Variants in TLR7 observed in about 807,000 individuals in gnomAD.
TLR7 encodes toll like receptor 7, also known as toll-like receptor 7.
A neutral mutation model predicts 38.3 loss-of-function variants in TLR7; 12 were observed. The ratio of observed to expected loss-of-function variants is 0.31; its 90% CI spans 0.20 to 0.51. The LOEUF (loss-of-function observed/expected upper bound fraction) is 0.51, where lower values mean the gene tolerates loss of function less well. Ranked by LOEUF, TLR7 falls within the 20% of genes least tolerant of loss-of-function variation. TLR7 has a pLI of 0.98. For missense variants in TLR7, 504 were observed against 743.4 expected, an observed-to-expected ratio of 0.68 and a Z score of 3.74; for synonymous variants, 285 against 293.8, an observed-to-expected ratio of 0.97 and a Z score of 0.31.
intron 1 of TLR7, 31 bp from the exon 2 acceptor site, chrX:12,867,450 T>A: frequency 1.7e-6 from 1 of 576,999 alleles, no homozygotes; most frequent in Non-Finnish European, 2.9e-6. Flanking sequence ...GTCTTTGAAA[T>A]GTAAACTTTG....
At chrX:12,869,646 A>G (rs1987256036) in intron 2 of TLR7, among the ~76,000 whole-genome samples, 1 of 110,243 alleles carries the variant, frequency 9.1e-6, no homozygotes, top group African/African-American at 3.3e-5. Flanking sequence ...TGGGCTTAAT[A>G]CCTAGGTGAT....
chrX:12,885,011 G>A (rs1265562192), intron 2 of TLR7, among the ~76,000 whole-genome samples: 1 of 112,766 alleles, frequency 8.9e-6, no homozygotes, highest in African/African-American at 3.2e-5. Context: ...ATATTGCTGA[G>A]CGATGTCTTC....
At chrX:12,876,780 C>T (rs145617622) in intron 2 of TLR7, among the ~76,000 whole-genome samples, 2 of 111,967 alleles carry the variant, frequency 1.8e-5, no homozygotes, top group Non-Finnish European at 3.8e-5. Context: ...AATTAGTTTG[C>T]TAATTGAGCA....
In TLR7 at chrX:12,888,666, T is replaced by C; in HGVS notation, c.*8T>C. 8.5e-7 allele frequency: 1 copy of C among 1,179,855 alleles called. No homozygotes were observed. Among genetic ancestry groups the C allele is most frequent in the Non-Finnish European group, 1.1e-6 (1 of 880,352 alleles). On this transcript the variant is annotated 3_prime_UTR_variant, in exon 3 of 3. Transcript: ENST00000380659. Reference sequence around the variant, plus strand: ...TTCAAGGAAACGGTCTAGCCCTTCTTTGCAAAACACAACTGCCTAGTTTAC... The same window carrying C: ...TTCAAGGAAACGGTCTAGCCCTTCTCTGCAAAACACAACTGCCTAGTTTAC...
intron 2 of TLR7, chrX:12,877,443 G>A (rs1368246983): frequency 1.8e-5 from 2 of 108,717 alleles, no homozygotes; most frequent in African/African-American, 6.7e-5. Context: ...TCTCATTGCA[G>A]TTAATCTTCC....
Position 12,885,790 on chromosome X carries a change from C to G in TLR7, c.282C>G (p.Ile94Met). 8.3e-7 allele frequency: 1 copy of G among 1,211,860 alleles called. No homozygotes were observed. The highest frequency in any genetic ancestry group is 1.1e-6 in the Non-Finnish European group (1 of 895,493). The change falls in exon 3 of 3, where the codon ATC (isoleucine) becomes ATG (methionine). Residue 94 changes from isoleucine to methionine, a missense_variant. Physicochemically the swap from Ile to Met is conservative, Grantham distance 10. Transcript: ENST00000380659. ...SFHRLDHLVE[I>M]DFRCNCVPIP... ...ACAGACTGGACCATCTGGTAGAGAT[C>G]GATTTCAGATGCAACTGTGTACCTA...
In TLR7 at chrX:12,886,412, C is replaced by T. The variant is rs1422078379; in HGVS notation, c.904C>T (p.Leu302Phe). The change falls in exon 3 of 3, where the codon CTT becomes TTT. Residue 302 changes from leucine (L) to phenylalanine (F), a missense_variant. Transcript: ENST00000380659. ...LKVLRLHSNS[L>F]QHVPPRWFKN... ...AGTTTTACGTCTACACAGTAACTCT[C>T]TTCAGCATGTGCCCCCAAGATGGTT... The T allele has an allele frequency of 1.7e-6, 2 of 1,210,288 alleles. No homozygotes were observed. The highest frequency in any genetic ancestry group is 3.0e-5 in the East Asian group (1 of 33,829).
At position 12,886,424 on chromosome X, in the gene TLR7, C is replaced by A; in HGVS notation, c.916C>A (p.Pro306Thr). ...RLHSNSLQHV[P>T]PRWFKNINKL... ...ACACAGTAACTCTCTTCAGCATGTG[C>A]CCCCAAGATGGTTTAAGAACATCAA... Residue 306 changes from proline (P) to threonine (T), a missense_variant, in exon 3 of 3, where the codon CCC becomes ACC. Physicochemically the swap from Pro to Thr is conservative, Grantham distance 38. Transcript: ENST00000380659. 2 of 1,211,446 alleles carry A rather than the reference C, an allele frequency of 1.7e-6. No homozygotes were observed. The highest frequency in any genetic ancestry group is 2.2e-5 in the Admixed American group (1 of 46,049).
rs1478731103 is a variant in TLR7, at chrX:12,886,552, T to C, written c.1044T>C (p.Ser348=). Residue 348 remains serine (S), a synonymous_variant, in exon 3 of 3, where the codon TCT becomes TCC. Transcript: ENST00000380659. ...FLPSLIQLDL[S]FNFELQVYRA... is the part of the protein sequence containing the mutation. ...CCAGCCTCATCCAATTGGATCTGTC[T>C]TTCAATTTTGAACTTCAGGTCTATC... is the stretch of plus-strand genomic sequence containing the variant. 1 of 1,211,869 alleles carries C rather than the reference T, an allele frequency of 8.3e-7. No individual in the cohort carries two copies. Among genetic ancestry groups the C allele is most frequent in the East Asian group, 3.0e-5 (1 of 33,864 alleles).
chrX:12,870,538 C>T (rs1180392916), intron 2 of TLR7, among the ~76,000 whole-genome samples: 2 of 111,774 alleles, frequency 1.8e-5, no homozygotes, highest in Non-Finnish European at 3.8e-5. Context: ...CCAGCCAGTA[C>T]CTCTGCACCC....
chrX:12,887,438 C>A lies in TLR7; in HGVS notation c.1930C>A (p.Gln644Lys). Reference protein sequence around the residue: ...LWREGDNRYLQLFKNLLKLEE... With the variant: ...LWREGDNRYLKLFKNLLKLEE... Reference sequence around the variant, plus strand: ...GAGAGAAGGTGATAACAGATACTTACAATTATTCAAGAATCTGCTAAAATT... The same window carrying A: ...GAGAGAAGGTGATAACAGATACTTAAAATTATTCAAGAATCTGCTAAAATT... Residue 644 changes from glutamine (Q) to lysine (K), a missense_variant, in exon 3 of 3, where the codon CAA (glutamine) becomes AAA (lysine). Gln to Lys is a moderately conservative substitution (Grantham distance 53, BLOSUM62 1). Coordinates refer to ENST00000380659, the MANE Select transcript of TLR7 (RefSeq NM_016562.4). 1 of 1,209,020 alleles carries A rather than the reference C, an allele frequency of 8.3e-7. No individual in the cohort carries two copies. Among genetic ancestry groups the A allele is most frequent in the Non-Finnish European group, 1.1e-6 (1 of 893,600 alleles).
intron 2 of TLR7, among the ~76,000 whole-genome samples, chrX:12,877,936 G>A (rs111385670): frequency 1.8e-5 from 2 of 111,769 alleles, no homozygotes; most frequent in African/African-American, 3.2e-5. Flanking sequence ...TCAAAGCCTT[G>A]GTTTACTCAG....
chrX:12,887,126 C>A lies in TLR7; in HGVS notation c.1618C>A (p.Pro540Thr), dbSNP rs367693931. The change falls in exon 3 of 3, where the codon CCT (proline) becomes ACT (threonine). Residue 540 changes from proline (P) to threonine (T), a missense_variant. Transcript: ENST00000380659. Reference sequence around the variant, plus strand: ...AACTCTTAATGGCAGTGAATTCCAACCTTTAGCAGAGCTGAGATATTTGGA... The same window carrying A: ...AACTCTTAATGGCAGTGAATTCCAAACTTTAGCAGAGCTGAGATATTTGGA... The part of the protein sequence containing the change: ...SQTLNGSEFQ[P>T]LAELRYLDFS... 1 of 1,211,347 alleles carries A rather than the reference C, an allele frequency of 8.3e-7. No homozygotes were observed.
At chrX:12,877,257 C>A (rs2042875009) in intron 2 of TLR7, among the ~76,000 whole-genome samples, 1 of 110,829 alleles carries the variant, frequency 9.0e-6, no homozygotes, top group Middle Eastern at 4.3e-3. Context: ...TTTAACACAG[C>A]CTAAGGTTTG....
At chrX:12,884,744 G>C (rs1161492786) in intron 2 of TLR7, among the ~76,000 whole-genome samples, 2 of 112,164 alleles carry the variant, frequency 1.8e-5, no homozygotes, top group Admixed American at 1.9e-4. Flanking sequence ...CAGTTATACG[G>C]TTCCTCTGAT....
At chrX:12,880,272 A>T (rs748250531) in intron 2 of TLR7, among the ~76,000 whole-genome samples, 5 of 111,699 alleles carry the variant, frequency 4.5e-5, no homozygotes, top group African/African-American at 6.5e-5. Context: ...TGTGTCCATC[A>T]TTCTTTTGCA....
Position 12,885,700 on chromosome X carries a change from C to T in TLR7, c.192C>T (p.Pro64=). ...KHLTEIPGGI[P]TNTTNLTLTI... is the part of the protein sequence containing the mutation. Reference sequence around the variant, plus strand: ...TGACAGAAATTCCTGGAGGTATTCCCACGAACACCACGAACCTCACCCTCA... The same window carrying T: ...TGACAGAAATTCCTGGAGGTATTCCTACGAACACCACGAACCTCACCCTCA... The change falls in exon 3 of 3, where the codon CCC becomes CCT. Residue 64 remains proline (P), a synonymous_variant. Transcript: ENST00000380659. The T allele has an allele frequency of 8.3e-7, 1 of 1,211,056 alleles. No individual in the cohort carries two copies. The highest frequency in any genetic ancestry group is 1.1e-6 in the Non-Finnish European group (1 of 895,181).
Position 12,888,692 on chromosome X carries a change from C to T in TLR7, c.*34C>T. ...TGCAAAACACAACTGCCTAGTTTAC[C>T]AAGGAGAGGCCTGGCTGTTTAAATT... is the stretch of plus-strand genomic sequence containing the variant. On this transcript the variant is annotated 3_prime_UTR_variant, in exon 3 of 3. Coordinates refer to ENST00000380659, the MANE Select transcript of TLR7 (RefSeq NM_016562.4). The T allele has an allele frequency of 3.5e-6, 4 of 1,149,956 alleles. No individual in the cohort carries two copies. The highest frequency in any genetic ancestry group is 1.8e-5 in the African/African-American group (1 of 55,448). The allele number at this position is 1,149,956 out of a possible 1,213,427, so 94.8% of individuals were successfully genotyped here.
chrX:12,867,231 A>C (rs957905061), intron 1 of TLR7, 108 bp downstream of exon 1: 1 of 169,513 alleles, frequency 5.9e-6, no homozygotes. Flanking sequence ...TATGCACAAA[A>C]ATTTTTTTTA....
Sources: allele counts gnomAD v4.1 joint callset (sites outside exome capture counted in the v4.1 genomes callset), GRCh38; gene constraint gnomAD v4.1.1; transcripts MANE v1.5; gene names NCBI Gene and HGNC (gene_info 2026-07-23, HGNC 2026-07-21).